The following CASKIN1 variants were observed in gnomAD, a reference collection of about 807,000 sequenced individuals.
The protein encoded by CASKIN1 is CASK interacting protein 1.
In CASKIN1, 42 loss-of-function variants were observed where a neutral mutation model predicts 117.5. The observed-to-expected ratio is 0.36, with a 90% confidence interval of 0.28 to 0.46. The LOEUF is 0.46. Among genes scored for constraint, CASKIN1 ranks in the 20% least tolerant of loss-of-function variants. CASKIN1 has a pLI of 1.00. For synonymous variants in CASKIN1, 1,148 were observed against 961.7 expected, an observed-to-expected ratio of 1.19 and a Z score of -3.59; for missense variants, 2,083 against 2,077.3, an observed-to-expected ratio of 1.00 and a Z score of -0.05.
Position 2,179,045 on chromosome 16 carries a change from GGCGGCGGCGGCGGCGGCGGCGGCTC to G in CASKIN1, c.4031_4055del (p.Arg1344ProfsTer98). On this transcript the variant is annotated frameshift_variant, in exon 19 of 20. Transcript: ENST00000343516. LOFTEE classifies it high-confidence loss of function. The surrounding 1 kb of genome is among the most constrained non-coding windows in gnomAD (Gnocchi z 5.8). Reference sequence around the variant, plus strand: ...CGGGCGGGGCGGGGGGCGCGGCGGCGGCGGCGGCGGCGGCGGCGGCGGCTCGCGGGGGCTTGGCGGGCACGTGCAG... The same window carrying G: ...CGGGCGGGGCGGGGGGCGCGGCGGCGGCGGGGGCTTGGCGGGCACGTGCAG... The G allele has an allele frequency of 1.0e-6, 1 of 994,716 alleles. No homozygotes were observed. The highest frequency in any genetic ancestry group is 1.2e-6 in the Non-Finnish European group (1 of 836,494). The allele number at this position is 994,716 out of a possible 1,614,324, so 61.6% of individuals were successfully genotyped here.
intron 10 of CASKIN1, 54 bp from the exon 11 acceptor site, chr16:2,185,462 C>T (rs936712130): frequency 1.7e-5 from 24 of 1,452,150 alleles, no homozygotes; most frequent in South Asian, 4.0e-5. Context: ...CGGGTACTGA[C>T]GCAGGGGAGG....
In CASKIN1 at chr16:2,187,478, G is replaced by A; in HGVS notation, c.618-17C>T. 2 of 1,596,924 alleles carry A rather than the reference G, an allele frequency of 1.3e-6. No individual in the cohort carries two copies. The highest frequency in any genetic ancestry group is 1.7e-6 in the Non-Finnish European group (2 of 1,177,420). The stretch of plus-strand genomic sequence containing the variant: ...AGGAGGAGCCTGGCGGGAAGGCAAG[G>A]TGGACAGGCGGGGCCTTCCAGCAGG... On this transcript the variant is annotated splice_polypyrimidine_tract_variant and intron_variant, in intron 6 of 19. Coordinates refer to ENST00000343516, the MANE Select transcript of CASKIN1 (RefSeq NM_020764.4).
At chr16:2,188,906 G>C in intron 6 of CASKIN1, 121 bp downstream of exon 6, 1 of 1,406,244 alleles carries the variant, frequency 7.1e-7, no homozygotes, top group Non-Finnish European at 9.6e-7. Context: ...GCCTGACCAG[G>C]GACCTGGGAC....
At chr16:2,191,171 G>C (rs1376743552) in intron 1 of CASKIN1, among the ~76,000 whole-genome samples, 1 of 152,226 alleles carries the variant, frequency 6.6e-6, no homozygotes, top group Non-Finnish European at 1.5e-5. Context: ...CCATTTGTGG[G>C]TCAGTCACTC....
At position 2,177,592 on chromosome 16, in the gene CASKIN1, C is replaced by T; in HGVS notation, c.*958G>A. Reference sequence around the variant, plus strand: ...CCATGAGCAGAAGCGTCCGTGGGAACTCCACTGGGGTGGATGGGCTGCCTG... The same window carrying T: ...CCATGAGCAGAAGCGTCCGTGGGAATTCCACTGGGGTGGATGGGCTGCCTG... On this transcript the variant is annotated 3_prime_UTR_variant, in exon 20 of 20. Transcript: ENST00000343516. 1 of 236,218 alleles carries T rather than the reference C, an allele frequency of 4.2e-6. No individual in the cohort carries two copies. The highest frequency in any genetic ancestry group is 8.3e-6 in the Non-Finnish European group (1 of 119,874). The allele number at this position is 236,218 out of a possible 1,614,324, so 14.6% of individuals were successfully genotyped here.
intron 14 of CASKIN1, 112 bp downstream of exon 14, chr16:2,184,665 G>A: frequency 2.3e-6 from 2 of 876,846 alleles, no homozygotes; most frequent in African/African-American, 1.7e-5. Flanking sequence ...GCCTGGCAAT[G>A]CCCCCGACCC....
Position 2,196,545 on chromosome 16 carries a change from CTCGCCG to C in CASKIN1, c.-119_-114del, listed in dbSNP as rs2141334616. ...CCCCCGCCGCCTCCCCCGCCGCCTCCTCGCCGCCCGCCGCCCCTTCGCCCTCCTCGG... is the reference window on the plus strand; with the variant it reads ...CCCCCGCCGCCTCCCCCGCCGCCTCCCCCGCCGCCCCTTCGCCCTCCTCGG... On this transcript the variant is annotated 5_prime_UTR_variant, in exon 1 of 20. Transcript: ENST00000343516. This position sits in a 1 kb window ranked among gnomAD's most constrained non-coding sequence, Gnocchi z 5.7. 1 of 270,104 alleles carries C rather than the reference CTCGCCG, an allele frequency of 3.7e-6. No individual in the cohort carries two copies. Among genetic ancestry groups the C allele is most frequent in the Non-Finnish European group, 5.6e-6 (1 of 178,238 alleles). 16.7% of individuals were successfully genotyped at this position (270,104 alleles called of 1,614,324 possible).
Position 2,180,585 on chromosome 16 carries a change from T to C in CASKIN1, c.2783A>G (p.Lys928Arg). 6.4e-7 allele frequency: 1 copy of C among 1,572,150 alleles called. No individual in the cohort carries two copies. The highest frequency in any genetic ancestry group is 8.6e-7 in the Non-Finnish European group (1 of 1,166,060). Residue 928 changes from lysine to arginine, a missense_variant, in exon 18 of 20, where the codon AAG becomes AGG. This residue lies in a region of CASKIN1 where 1,818 missense variants were observed against 1,688.9 expected (regional missense o/e 1.08). Coordinates refer to ENST00000343516, the MANE Select transcript of CASKIN1 (RefSeq NM_020764.4). ...HSVRAPAGAD[K>R]NVNRSQSFAV... ...AAAGGACTGGCTGCGGTTGACGTTCTTGTCGGCACCTGCGGGCGCCCTCAC... is the reference window on the plus strand; with the variant it reads ...AAAGGACTGGCTGCGGTTGACGTTCCTGTCGGCACCTGCGGGCGCCCTCAC...
At position 2,183,864 on chromosome 16, in the gene CASKIN1, G is replaced by A. The variant is rs758068115; in HGVS notation, c.1494C>T (p.Tyr498=). ...TCATGCGGCTGATGGTGGGCAGGTC[G>A]TAGCCGGCGCTGATGAAGTTGGGGG... is the stretch of plus-strand genomic sequence containing the variant. ...LYAPNFISAG[Y]DLPTISRMTP... is the part of the protein sequence containing the mutation. The change falls in exon 15 of 20, where the codon TAC becomes TAT. Residue 498 remains tyrosine (Y), a synonymous_variant. Coordinates refer to ENST00000343516, the MANE Select transcript of CASKIN1 (RefSeq NM_020764.4). 5.6e-6 allele frequency: 9 copies of A among 1,612,572 alleles called. No individual in the cohort carries two copies. The highest frequency in any genetic ancestry group is 6.8e-6 in the Non-Finnish European group (8 of 1,179,768).
intron 6 of CASKIN1, 27 bp from the exon 7 acceptor site, chr16:2,187,488 G>A (rs752278387): frequency 5.6e-5 from 88 of 1,583,272 alleles, no homozygotes; most frequent in Non-Finnish European, 6.8e-5. Context: ...GTGGACAGGC[G>A]GGGCCTTCCA....
At chr16:2,186,930 C>G (rs367792841) in intron 9 of CASKIN1, 48 bp downstream of exon 9, 1 of 1,606,234 alleles carries the variant, frequency 6.2e-7, no homozygotes, top group Non-Finnish European at 8.5e-7. Context: ...TGCGCACGCC[C>G]AGGTGCCGCC....
At chr16:2,188,066 C>G (rs2093190274) in intron 6 of CASKIN1, among the ~76,000 whole-genome samples, 1 of 145,436 alleles carries the variant, frequency 6.9e-6, no homozygotes, top group Non-Finnish European at 1.5e-5. Context: ...TTTTTTTTGC[C>G]TTTGTTTTTG....
rs1046677984 is a variant in CASKIN1, at chr16:2,180,838, C to T, written c.2530G>A (p.Val844Met). 5 of 1,394,190 alleles carry T rather than the reference C, an allele frequency of 3.6e-6. No homozygotes were observed. The highest frequency in any genetic ancestry group is 1.5e-5 in the African/African-American group (1 of 66,012). The allele number at this position is 1,394,190 out of a possible 1,614,324, so 86.4% of individuals were successfully genotyped here. A position where few individuals can be genotyped will look rare whatever the true frequency, so the allele number is the denominator to read the frequency against. Residue 844 changes from valine (V) to methionine (M), a missense_variant, in exon 18 of 20, where the codon GTG becomes ATG. Coordinates refer to ENST00000343516, the MANE Select transcript of CASKIN1 (RefSeq NM_020764.4). ...YVLPQPVEGE[V>M]GPAAPGPAPP... The stretch of plus-strand genomic sequence containing the variant: ...GCAGGCCCCGGGGCAGCCGGCCCCA[C>T]CTCGCCCTCCACGGGCTGGGGCAGC...
chr16:2,192,584 G>A (rs2093204247), intron 1 of CASKIN1, among the ~76,000 whole-genome samples: 1 of 152,096 alleles, frequency 6.6e-6, no homozygotes, highest in Admixed American at 6.6e-5. Context: ...GTGTGCACGT[G>A]CGGCCTCCTC....
At position 2,179,467 on chromosome 16, in the gene CASKIN1, C is replaced by G. The variant is rs1302397179; in HGVS notation, c.3775+126G>C. On this transcript the variant is annotated intron_variant, in intron 18 of 19. Transcript: ENST00000343516. This position sits in a 1 kb window ranked among gnomAD's most constrained non-coding sequence, Gnocchi z 5.8. ...CCCAGCCCTGGATGGATGAGAGGGT[C>G]TGGGGACACGTTCCCACCCCACCTG... 2 of 1,393,472 alleles carry G rather than the reference C, an allele frequency of 1.4e-6. No individual in the cohort carries two copies. The highest frequency in any genetic ancestry group is 1.9e-6 in the Non-Finnish European group (2 of 1,077,276). 86.3% of individuals were successfully genotyped at this position (1,393,472 alleles called of 1,614,324 possible).
intron 16 of CASKIN1, 38 bp downstream of exon 16, chr16:2,183,608 C>T (rs1180471992): frequency 3.4e-5 from 55 of 1,596,164 alleles, no homozygotes; most frequent in Non-Finnish European, 4.5e-5. Flanking sequence ...TCTGTCTGCC[C>T]GTCCTGGGCC....
intron 17 of CASKIN1, 81 bp downstream of exon 17, chr16:2,181,710 G>C (rs547233393): frequency 3.1e-5 from 47 of 1,502,856 alleles, no homozygotes; most frequent in Non-Finnish European, 4.0e-5. Flanking sequence ...CTGGGGCGGG[G>C]CTGGGGCTGG....
In CASKIN1 at chr16:2,196,345, TC is replaced by T; in HGVS notation, c.87del (p.Lys30ArgfsTer29). 2 of 1,286,978 alleles carry T rather than the reference TC, an allele frequency of 1.6e-6. No individual in the cohort carries two copies. Among genetic ancestry groups the T allele is most frequent in the East Asian group, 4.0e-5 (1 of 25,122 alleles). 79.7% of individuals were successfully genotyped at this position (1,286,978 alleles called of 1,614,324 possible). On this transcript the variant is annotated frameshift_variant, in exon 1 of 20. Coordinates refer to ENST00000343516, the MANE Select transcript of CASKIN1 (RefSeq NM_020764.4). LOFTEE classifies it high-confidence loss of function. The surrounding 1 kb of genome is among the most constrained non-coding windows in gnomAD (Gnocchi z 5.7). The stretch of plus-strand genomic sequence containing the variant: ...CCGCGCCCCCGGCACTCACTGGCCT[TC>T]CCGGGCCGCGGCCTCTGCAGCAGCC... The part of the protein sequence containing the change: ...AQRLLQRPRP[G>X]KAKLLGSTKK...
Position 2,178,644 on chromosome 16 carries a change from T to A in CASKIN1, c.4202A>T (p.Asp1401Val), listed in dbSNP as rs1229279740. 6.3e-7 allele frequency: 1 copy of A among 1,587,888 alleles called. No individual in the cohort carries two copies. The highest frequency in any genetic ancestry group is 1.1e-5 in the South Asian group (1 of 89,448). ...GCCAGTGCTCTTTTCCGCCGCCGAG[T>A]CGCTGCGGGGCGCGGGGCAAGGGGC... ...IRQEDAQGPRDSAAEKSTGSI... is the reference protein window; with the variant it reads ...IRQEDAQGPRVSAAEKSTGSI... Residue 1401 changes from aspartate (D) to valine (V), a missense_variant and splice_region_variant, in exon 20 of 20, where the codon GAC becomes GTC. By Grantham distance (152) the Asp-to-Val change is radical. This residue lies in a region of CASKIN1 where 1,818 missense variants were observed against 1,688.9 expected (regional missense o/e 1.08). Coordinates refer to ENST00000343516, the MANE Select transcript of CASKIN1 (RefSeq NM_020764.4).
Sources: allele counts gnomAD v4.1 joint callset (sites outside exome capture counted in the v4.1 genomes callset), GRCh38; gene constraint gnomAD v4.1.1; regional missense constraint gnomAD v4.1.1; non-coding constraint Gnocchi (gnomAD v3.1); transcripts MANE v1.5; gene names NCBI Gene and HGNC (gene_info 2026-07-23, HGNC 2026-07-21).